The following SDK2 variants were observed in gnomAD, a reference collection of about 807,000 sequenced individuals.
The protein encoded by SDK2 is sidekick cell adhesion molecule 2.
SDK2 carries 105 observed loss-of-function variants against 253.9 expected under a neutral mutation model. The observed-to-expected ratio is 0.41, with a 90% CI of 0.35 to 0.49. The LOEUF is 0.49. Among genes scored for constraint, SDK2 ranks in the 20% least tolerant of loss-of-function variants. The pLI, the probability that SDK2 is intolerant of heterozygous loss-of-function variation, is 0.06. For synonymous variants in SDK2, 1,249 were observed against 1,234.9 expected, an observed-to-expected ratio of 1.01 and a Z score of -0.24; for missense variants, 2,608 against 3,003.0, an observed-to-expected ratio of 0.87 and a Z score of 3.07.
rs1190150436 is a variant in SDK2 at position 73,437,827 on chromosome 17, A to G, written c.917-5T>C. ...CCTTGACAAACTGAGGCGGTTCTGC[A>G]GGAGGAAGGACCAGGGGAGGGGGTC... On this transcript the variant is annotated splice_region_variant and splice_polypyrimidine_tract_variant and intron_variant, in intron 7 of 44. Coordinates refer to ENST00000392650, the MANE Select transcript of SDK2 (RefSeq NM_001144952.2). 2 of 1,613,850 alleles carry G rather than the reference A, an allele frequency of 1.2e-6. No individual in the cohort carries two copies. The highest frequency in any genetic ancestry group is 1.1e-5 in the South Asian group (1 of 91,064).
chr17:73,414,549 G>A, intron 18 of SDK2, 95 bp downstream of exon 18: 1 of 830,966 alleles, frequency 1.2e-6, no homozygotes, highest in Non-Finnish European at 1.9e-6. Context: ...TTCAGAAACA[G>A]AGGGGGGATT....
At chr17:73,450,493 C>T (rs993390066) in intron 4 of SDK2, among the ~76,000 whole-genome samples, 9 of 152,140 alleles carry the variant, frequency 5.9e-5, no homozygotes, top group African/African-American at 1.2e-4. Context: ...CCCCCAGCCA[C>T]GCCACATCCA....
At chr17:73,620,487 C>T (rs1231122606) in intron 1 of SDK2, among the ~76,000 whole-genome samples, 1 of 152,186 alleles carries the variant, frequency 6.6e-6, no homozygotes, top group Admixed American at 6.5e-5. Flanking sequence ...AAAAGTTAAA[C>T]ATAGAATTAC....
chr17:73,462,201 A>G (rs1161461667), intron 3 of SDK2, among the ~76,000 whole-genome samples: 1 of 151,754 alleles, frequency 6.6e-6, no homozygotes, highest in Non-Finnish European at 1.5e-5. Context: ...GGTTGTATGT[A>G]TGTACAAGTG....
chr17:73,611,055 C>T (rs1286301193), intron 1 of SDK2, among the ~76,000 whole-genome samples: 1 of 152,224 alleles, frequency 6.6e-6, no homozygotes, highest in African/African-American at 2.4e-5. Flanking sequence ...TTGCATTTTG[C>T]TAGAAATCCA....
chr17:73,617,569 T>C (rs1255512371), intron 1 of SDK2, among the ~76,000 whole-genome samples: 1 of 150,596 alleles, frequency 6.6e-6, no homozygotes, highest in Non-Finnish European at 1.5e-5. Flanking sequence ...CCAGCATACC[T>C]AGTCGACAGG....
chr17:73,481,264 G>A lies in SDK2; in HGVS notation c.225-9046C>T, dbSNP rs1239048950. Among the ~76,000 whole-genome samples, 1 of 152,164 alleles carries A rather than the reference G, an allele frequency of 6.6e-6. No individual in the cohort carries two copies. Among genetic ancestry groups the A allele is most frequent in the Non-Finnish European group, 1.5e-5 (1 of 68,018 alleles). ...GAAGGATTCTGTGTCCCTCGGAGGAGGGGGGACTTGGGCACAGTGTGTTCC... is the reference window on the plus strand; with the variant it reads ...GAAGGATTCTGTGTCCCTCGGAGGAAGGGGGACTTGGGCACAGTGTGTTCC... On this transcript the variant is annotated intron_variant, in intron 2 of 44. Coordinates refer to ENST00000392650, the MANE Select transcript of SDK2 (RefSeq NM_001144952.2). This position sits in a 1 kb window ranked among gnomAD's most constrained non-coding sequence, Gnocchi z 4.5.
intron 38 of SDK2, among the ~76,000 whole-genome samples, chr17:73,362,802 G>T (rs1016181879): frequency 2.0e-5 from 3 of 152,202 alleles, no homozygotes; most frequent in Non-Finnish European, 4.4e-5. Context: ...TCTGTGCTTC[G>T]CGAATCCAAA....
intron 1 of SDK2, among the ~76,000 whole-genome samples, chr17:73,582,251 G>A (rs1233018093): frequency 2.0e-5 from 3 of 149,628 alleles, no homozygotes; most frequent in Non-Finnish European, 4.5e-5. Context: ...GCATTTGGGG[G>A]CGCACACCAC....
At position 73,383,438 on chromosome 17, in the gene SDK2, G is replaced by T. The variant is rs749219156; in HGVS notation, c.4705+438C>A. ...GGGGTGTGACCAGGTGAGGCTTCTG[G>T]TCCCTCAAGGGCAGGGTGCTCCTTC... On this transcript the variant is annotated intron_variant, in intron 33 of 44. Coordinates refer to ENST00000392650, the MANE Select transcript of SDK2 (RefSeq NM_001144952.2). This position sits in a 1 kb window ranked among gnomAD's most constrained non-coding sequence, Gnocchi z 4.3. Among the ~76,000 whole-genome samples the T allele has an allele frequency of 6.6e-6, 1 of 152,178 alleles. No homozygotes were observed. The highest frequency in any genetic ancestry group is 1.5e-5 in the Non-Finnish European group (1 of 68,026).
At chr17:73,464,510 A>G (rs961707476) in intron 3 of SDK2, among the ~76,000 whole-genome samples, 5 of 152,190 alleles carry the variant, frequency 3.3e-5, no homozygotes, top group Non-Finnish European at 7.3e-5. Flanking sequence ...AAAACAGGCT[A>G]ATACACAGCC....
intron 18 of SDK2, among the ~76,000 whole-genome samples, chr17:73,408,932 AATG>A (rs1448354308): frequency 6.6e-6 from 1 of 152,232 alleles, no homozygotes; most frequent in Non-Finnish European, 1.5e-5. Flanking sequence ...TAGCTATCAT[AATG>A]ATAATGCAGT....
At position 73,481,806 on chromosome 17, in the gene SDK2, C is replaced by G. The variant is rs1445696900; in HGVS notation, c.225-9588G>C. On this transcript the variant is annotated intron_variant, in intron 2 of 44. Coordinates refer to ENST00000392650, the MANE Select transcript of SDK2 (RefSeq NM_001144952.2). The surrounding 1 kb of genome is among the most constrained non-coding windows in gnomAD (Gnocchi z 4.5). ...CTCTCGGTTTCCAGGCCTTTGGGCC[C>G]AGACTGAATTACGGTACTGGATTTC... is the stretch of plus-strand genomic sequence containing the variant. Among the ~76,000 whole-genome samples the G allele has an allele frequency of 6.6e-6, 1 of 152,192 alleles. No homozygotes were observed. Among genetic ancestry groups the G allele is most frequent in the Admixed American group, 6.5e-5 (1 of 15,282 alleles).
At chr17:73,636,563 C>T (rs1487538593) in intron 1 of SDK2, among the ~76,000 whole-genome samples, 1 of 151,334 alleles carries the variant, frequency 6.6e-6, no homozygotes, top group Non-Finnish European at 1.5e-5. Flanking sequence ...TGCCTGTAAT[C>T]CTAGCTACTC....
At chr17:73,641,496 T>G (rs1447526645) in intron 1 of SDK2, among the ~76,000 whole-genome samples, 1 of 152,196 alleles carries the variant, frequency 6.6e-6, no homozygotes, top group Non-Finnish European at 1.5e-5. Context: ...GAAATGAGTT[T>G]GCATCATGTG....
In SDK2 at chr17:73,416,127, C is replaced by A. The variant is rs2145571958; in HGVS notation, c.2187-135G>T. The A allele has an allele frequency of 5.6e-6, 4 of 709,994 alleles. No homozygotes were observed. The East Asian group carries it at 1.1e-4, about 20-fold the overall frequency. 44.0% of individuals were successfully genotyped at this position (709,994 alleles called of 1,614,324 possible). ...AGTGCTCTGCACCTGTGCTGTCCGACAGGGTGCCCGCCAGCACATGCAGCT... is the reference window on the plus strand; with the variant it reads ...AGTGCTCTGCACCTGTGCTGTCCGAAAGGGTGCCCGCCAGCACATGCAGCT... On this transcript the variant is annotated intron_variant, in intron 16 of 44. Coordinates refer to ENST00000392650, the MANE Select transcript of SDK2 (RefSeq NM_001144952.2).
At chr17:73,349,299 C>T (rs1284589721) in intron 43 of SDK2, among the ~76,000 whole-genome samples, 2 of 152,240 alleles carry the variant, frequency 1.3e-5, no homozygotes, top group Admixed American at 1.3e-4. Context: ...GCTCCTCCCT[C>T]CATCCTCTAG....
chr17:73,415,983 C>G lies in SDK2; in HGVS notation c.2196G>C (p.Leu732=), dbSNP rs2063178374. ...ACTGGTACCCCACGGGCAGCCCGGC[C>G]AGGCAGTACCTGAGGGGAAGAGGCG... The part of the protein sequence containing the change: ...ILKGYIIRYC[L]AGLPVGYQFK... The change falls in exon 17 of 45, where the codon CTG becomes CTC. Residue 732 remains leucine, a synonymous_variant. Coordinates refer to ENST00000392650, the MANE Select transcript of SDK2 (RefSeq NM_001144952.2). The G allele has an allele frequency of 1.9e-6, 3 of 1,610,228 alleles. No individual in the cohort carries two copies. Among genetic ancestry groups the G allele is most frequent in the Non-Finnish European group, 2.5e-6 (3 of 1,178,542 alleles).
Position 73,438,117 on chromosome 17 carries a change from C to T in SDK2, c.763G>A (p.Gly255Arg), listed in dbSNP as rs745917613. ...IKLHIIWKKD[G>R]VLLSGGISDH... ...CTGATGCCGCCCGACAGCAATACCC[C>T]GTCCTTCTTCCAAATGATATGTAGC... is the stretch of plus-strand genomic sequence containing the variant. Residue 255 changes from glycine to arginine, a missense_variant, in exon 7 of 45, where the codon GGG (glycine) becomes AGG (arginine). Transcript: ENST00000392650. 7 of 1,551,630 alleles carry T rather than the reference C, an allele frequency of 4.5e-6. No individual in the cohort carries two copies. Among genetic ancestry groups the T allele is most frequent in the East Asian group, 4.9e-5 (2 of 40,922 alleles).
Sources: allele counts gnomAD v4.1 joint callset (sites outside exome capture counted in the v4.1 genomes callset), GRCh38; gene constraint gnomAD v4.1.1; non-coding constraint Gnocchi (gnomAD v3.1); transcripts MANE v1.5; gene names NCBI Gene and HGNC (gene_info 2026-07-23, HGNC 2026-07-21).